The following ETV6 variants were observed in gnomAD, a reference collection of about 807,000 sequenced individuals.
ETV6 encodes ETS variant transcription factor 6.
Under a neutral mutation model 51.1 loss-of-function variants are expected in ETV6, and 16 were observed. The observed-to-expected ratio is 0.31, with a 90% CI of 0.21 to 0.48. The LOEUF (loss-of-function observed/expected upper bound fraction) is 0.48, where lower values mean the gene tolerates loss of function less well. Among genes scored for constraint, ETV6 ranks in the 20% least tolerant of loss-of-function variants. The pLI is 0.99. For synonymous variants in ETV6, 240 were observed against 224.1 expected (o/e 1.07, Z -0.64); for missense variants, 458 against 594.8 (o/e 0.77, Z 2.39).
chr12:11,707,954 A>T (rs1865103670), intron 1 of ETV6, among the ~76,000 whole-genome samples: 1 of 152,234 alleles, frequency 6.6e-6, no homozygotes. Flanking sequence ...TTTTAGCAGG[A>T]TCAATTTATA....
At chr12:11,848,629 C>T (rs971105120) in intron 3 of ETV6, among the ~76,000 whole-genome samples, 5 of 152,180 alleles carry the variant, frequency 3.3e-5, no homozygotes, top group African/African-American at 7.2e-5. Context: ...TGCGCACGCG[C>T]GTGTGCATGC....
At chr12:11,678,861 A>G (rs1210131680) in intron 1 of ETV6, among the ~76,000 whole-genome samples, 2 of 152,130 alleles carry the variant, frequency 1.3e-5, no homozygotes, top group South Asian at 2.1e-4. Flanking sequence ...AGGCAGGGGA[A>G]AAAAAGGGAG....
intron 1 of ETV6, among the ~76,000 whole-genome samples, chr12:11,675,025 C>G (rs1358148042): frequency 6.6e-6 from 1 of 152,230 alleles, no homozygotes; most frequent in African/African-American, 2.4e-5. Context: ...TCCGTCAGCT[C>G]CCTGAGACAG....
chr12:11,732,844 A>G (rs1313231703), intron 1 of ETV6, among the ~76,000 whole-genome samples: 1 of 152,220 alleles, frequency 6.6e-6, no homozygotes, highest in East Asian at 1.9e-4. Context: ...AAATGATACA[A>G]GTTTCAAAAA....
At chr12:11,798,603 G>A (rs1945708738) in intron 2 of ETV6, among the ~76,000 whole-genome samples, 1 of 152,110 alleles carries the variant, frequency 6.6e-6, no homozygotes, top group Admixed American at 6.6e-5. Flanking sequence ...AGTTACGTTA[G>A]GGCACATATA....
chr12:11,661,190 C>G (rs1864095473), intron 1 of ETV6, among the ~76,000 whole-genome samples: 1 of 152,022 alleles, frequency 6.6e-6, no homozygotes, highest in African/African-American at 2.4e-5. Context: ...CGAGGTCTTG[C>G]TTTGTTGCCC....
chr12:11,730,198 A>T (rs1865567535), intron 1 of ETV6, among the ~76,000 whole-genome samples: 1 of 152,188 alleles, frequency 6.6e-6, no homozygotes, highest in South Asian at 2.1e-4. Flanking sequence ...ATGCCTCACC[A>T]TTTAAGAGAC....
At chr12:11,715,520 A>G (rs1865257707) in intron 1 of ETV6, among the ~76,000 whole-genome samples, 1 of 152,230 alleles carries the variant, frequency 6.6e-6, no homozygotes, top group Non-Finnish European at 1.5e-5. Flanking sequence ...TAACTCACCC[A>G]AGGTTTTGCA....
At chr12:11,854,020 A>G (rs769170349) in intron 4 of ETV6, among the ~76,000 whole-genome samples, 2 of 152,138 alleles carry the variant, frequency 1.3e-5, no homozygotes, top group African/African-American at 4.8e-5. Context: ...CTATTATTAC[A>G]TTATCATACA....
At chr12:11,853,617 T>G (rs983637163) in intron 4 of ETV6, 56 bp downstream of exon 4, 4 of 1,589,806 alleles carry the variant, frequency 2.5e-6, no homozygotes, top group Admixed American at 1.7e-5. Flanking sequence ...CCAGGAAGTT[T>G]AATTGTTAAC....
At chr12:11,800,614 C>T (rs143343997) in intron 2 of ETV6, among the ~76,000 whole-genome samples, 6 of 152,130 alleles carry the variant, frequency 3.9e-5, no homozygotes, top group African/African-American at 7.2e-5. Flanking sequence ...CACATGTAAG[C>T]GAGATCGTGT....
At chr12:11,836,860 T>C (rs907649220) in intron 2 of ETV6, among the ~76,000 whole-genome samples, 5 of 152,172 alleles carry the variant, frequency 3.3e-5, no homozygotes, top group Non-Finnish European at 2.9e-5. Flanking sequence ...CATCTTCTGC[T>C]CACTGGACCT....
At chr12:11,828,443 CTCTTT>C (rs1419837313) in intron 2 of ETV6, among the ~76,000 whole-genome samples, 1 of 152,128 alleles carries the variant, frequency 6.6e-6, no homozygotes, top group Non-Finnish European at 1.5e-5. Context: ...CTTCGTGTCT[CTCTTT>C]TCTGTTTTTC....
At chr12:11,847,942 G>A (rs1946488563) in intron 3 of ETV6, among the ~76,000 whole-genome samples, 1 of 152,226 alleles carries the variant, frequency 6.6e-6, no homozygotes, top group Non-Finnish European at 1.5e-5. Context: ...GACAGTAAGA[G>A]CTAACTGTAA....
At chr12:11,674,854 G>T (rs1201484298) in intron 1 of ETV6, among the ~76,000 whole-genome samples, 1 of 152,112 alleles carries the variant, frequency 6.6e-6, no homozygotes, top group Admixed American at 6.5e-5. Context: ...GGAGTTCTTT[G>T]GCTGTGTCCG....
At chr12:11,805,958 A>G (rs1591686340) in intron 2 of ETV6, among the ~76,000 whole-genome samples, 1 of 152,196 alleles carries the variant, frequency 6.6e-6, no homozygotes, top group Non-Finnish European at 1.5e-5. Context: ...TAAGACTGTC[A>G]TATTTGTTTG....
chr12:11,806,658 C>T (rs757722714), intron 2 of ETV6, among the ~76,000 whole-genome samples: 1 of 152,140 alleles, frequency 6.6e-6, no homozygotes, highest in Non-Finnish European at 1.5e-5. Context: ...ATTAAAGAGG[C>T]GGCTCGTCCT....
intron 1 of ETV6, among the ~76,000 whole-genome samples, chr12:11,738,340 A>C (rs1401287980): frequency 7.8e-6 from 1 of 127,684 alleles, no homozygotes. Flanking sequence ...AATTTGAGAC[A>C]GGGTCTTGCT....
At chr12:11,729,980 T>C (rs1865562901) in intron 1 of ETV6, among the ~76,000 whole-genome samples, 1 of 152,120 alleles carries the variant, frequency 6.6e-6, no homozygotes, top group South Asian at 2.1e-4. Context: ...GTCTGCAAAA[T>C]AGAAAGGGGA....
Sources: allele counts gnomAD v4.1 joint callset (sites outside exome capture counted in the v4.1 genomes callset), GRCh38; gene constraint gnomAD v4.1.1; transcripts MANE v1.5; gene names NCBI Gene and HGNC (gene_info 2026-07-23, HGNC 2026-07-21).